MAGI2: variants seen among roughly 807,000 people sequenced by gnomAD.
The protein encoded by MAGI2 is membrane-associated guanylate kinase, WW and PDZ domain-containing protein 2.
Under a neutral mutation model 133.3 loss-of-function variants are expected in MAGI2, and 35 were observed. The observed-to-expected ratio is 0.26, with a 90% confidence interval of 0.20 to 0.35. The LOEUF (loss-of-function observed/expected upper bound fraction) is 0.35. Among genes scored for constraint, MAGI2 ranks in the 10% least tolerant of loss-of-function variants. The probability of loss-of-function intolerance (pLI) is 1.00; values close to 1 mark genes in which losing one functional copy is unlikely to be tolerated. For missense variants in MAGI2, 1,636 were observed against 1,863.4 expected (o/e 0.88, Z 2.25); for synonymous variants, 729 against 710.6 (o/e 1.03, Z -0.41).
chr7:78,890,139 C>T (rs1796620024), intron 2 of MAGI2, among the ~76,000 whole-genome samples: 3 of 152,176 alleles, frequency 2.0e-5, no homozygotes, highest in Admixed American at 2.0e-4. Flanking sequence ...AAGGCCATTA[C>T]ATAATGGTAA....
intron 2 of MAGI2, among the ~76,000 whole-genome samples, chr7:78,715,229 C>T (rs1819590510): frequency 6.6e-6 from 1 of 152,086 alleles, no homozygotes; most frequent in African/African-American, 2.4e-5. Context: ...GATGAAATAA[C>T]AGCAAGAAAT....
chr7:78,752,946 T>C (rs1194182141), intron 2 of MAGI2, among the ~76,000 whole-genome samples: 3 of 152,236 alleles, frequency 2.0e-5, no homozygotes, highest in African/African-American at 7.2e-5. Context: ...CTGCCTACTA[T>C]AGATAAGACA....
rs913743506 is a variant in MAGI2, at chr7:79,017,824, A to G, written c.302-10618T>C. Among the ~76,000 whole-genome samples the G allele has an allele frequency of 2.2e-4, 34 of 152,280 alleles. 1 individual carries two copies. Among genetic ancestry groups the G allele is most frequent in the South Asian group, 2.1e-4 (1 of 4,830 alleles). On this transcript the variant is annotated intron_variant, in intron 1 of 21. Coordinates refer to ENST00000354212, the MANE Select transcript of MAGI2 (RefSeq NM_012301.4). ...AACAACAGGATTGACCAAGCTGAGG[A>G]AAAAAAGTCACAGCTTGAAGACTGG... is the stretch of plus-strand genomic sequence containing the variant.
chr7:79,240,537 T>C (rs1832311217), intron 1 of MAGI2, among the ~76,000 whole-genome samples: 1 of 152,102 alleles, frequency 6.6e-6, no homozygotes. Context: ...CAATTTATCA[T>C]TATTTTACAT....
intron 6 of MAGI2, among the ~76,000 whole-genome samples, chr7:78,401,891 C>T (rs1389277516): frequency 2.0e-5 from 3 of 151,852 alleles, no homozygotes. Flanking sequence ...TCCCTTTCTC[C>T]CTTCTTCCCT....
At chr7:78,026,477 G>C (rs1808927998) in intron 21 of MAGI2, among the ~76,000 whole-genome samples, 1 of 152,216 alleles carries the variant, frequency 6.6e-6, no homozygotes, top group Non-Finnish European at 1.5e-5. Flanking sequence ...CATCAAAGGA[G>C]AGTTAATTTT....
At chr7:79,119,843 C>A (rs924123659) in intron 1 of MAGI2, among the ~76,000 whole-genome samples, 2 of 152,054 alleles carry the variant, frequency 1.3e-5, no homozygotes, top group Non-Finnish European at 2.9e-5. Flanking sequence ...GCTTCCTTTA[C>A]AAGGCTAGGG....
At chr7:79,245,994 A>C (rs1349506293) in intron 1 of MAGI2, among the ~76,000 whole-genome samples, 1 of 152,206 alleles carries the variant, frequency 6.6e-6, no homozygotes, top group Non-Finnish European at 1.5e-5. Flanking sequence ...GGTAATCCAG[A>C]GAATTGTTCT....
At chr7:78,649,237 A>AAAAAAAAAAAAAAAAAAAAAAAAAAAG (rs1563294737) in intron 2 of MAGI2, among the ~76,000 whole-genome samples, 6 of 65,488 alleles carry the variant, frequency 9.2e-5, no homozygotes, top group South Asian at 4.1e-4. Context: ...AAAAAAAAAG[A>AAAAAAAAAAAAAAAAAAAAAAAAAAAG]AAAAAAAAGA....
intron 7 of MAGI2, among the ~76,000 whole-genome samples, chr7:78,351,091 C>T (rs1474641600): frequency 6.6e-6 from 1 of 152,122 alleles, no homozygotes; most frequent in Non-Finnish European, 1.5e-5. Context: ...GGTGTCTGTG[C>T]TAATTATCCA....
At chr7:78,042,177 G>T (rs1164486667) in intron 21 of MAGI2, among the ~76,000 whole-genome samples, 2 of 152,148 alleles carry the variant, frequency 1.3e-5, no homozygotes, top group Non-Finnish European at 2.9e-5. Context: ...TCCTTGAAGA[G>T]GTTTGCTGTT....
At chr7:79,091,772 A>T (rs969803853) in intron 1 of MAGI2, among the ~76,000 whole-genome samples, 2 of 152,156 alleles carry the variant, frequency 1.3e-5, no homozygotes, top group Admixed American at 1.3e-4. Context: ...ATGAATGGAC[A>T]TGGCTATGTT....
chr7:78,383,436 T>C (rs1795104871), intron 6 of MAGI2, among the ~76,000 whole-genome samples: 1 of 152,150 alleles, frequency 6.6e-6, no homozygotes, highest in African/African-American at 2.4e-5. Context: ...ATTCATATCA[T>C]TTGCCCACTT....
intron 3 of MAGI2, among the ~76,000 whole-genome samples, chr7:78,600,665 A>G (rs1263929260): frequency 6.6e-6 from 1 of 152,188 alleles, no homozygotes; most frequent in Non-Finnish European, 1.5e-5. Flanking sequence ...TGGAGTGAAT[A>G]ATATTTACAT....
chr7:78,470,299 C>A (rs1791063511), intron 6 of MAGI2, among the ~76,000 whole-genome samples: 1 of 152,008 alleles, frequency 6.6e-6, no homozygotes, highest in African/African-American at 2.4e-5. Context: ...TCATTTATAT[C>A]CAGGCCACCC....
chr7:78,086,962 A>G (rs1486800103), intron 20 of MAGI2, among the ~76,000 whole-genome samples: 1 of 152,078 alleles, frequency 6.6e-6, no homozygotes, highest in African/African-American at 2.4e-5. Context: ...GGTATTTGGC[A>G]TGTTTCCTTT....
chr7:78,442,251 G>A (rs887540481), intron 6 of MAGI2, among the ~76,000 whole-genome samples: 2 of 152,112 alleles, frequency 1.3e-5, no homozygotes, highest in African/African-American at 4.8e-5. Flanking sequence ...GAGTTATTGT[G>A]CATTTGTTTC....
intron 7 of MAGI2, among the ~76,000 whole-genome samples, chr7:78,352,302 G>A (rs1791602627): frequency 6.6e-6 from 1 of 152,134 alleles, no homozygotes; most frequent in Admixed American, 6.6e-5. Context: ...GTGCCTTACA[G>A]GGCTTTGAAA....
At chr7:79,219,383 G>A (rs759639947) in intron 1 of MAGI2, among the ~76,000 whole-genome samples, 3 of 151,970 alleles carry the variant, frequency 2.0e-5, no homozygotes, top group African/African-American at 4.8e-5. Context: ...TCTGCCAAGA[G>A]CTCATTTAAA....
Sources: allele counts gnomAD v4.1 joint callset (sites outside exome capture counted in the v4.1 genomes callset), GRCh38; gene constraint gnomAD v4.1.1; transcripts MANE v1.5; gene names NCBI Gene and HGNC (gene_info 2026-07-23, HGNC 2026-07-21).